The following GRID2 variants were observed in gnomAD, a reference collection of about 807,000 sequenced individuals.
The protein encoded by GRID2 is glutamate receptor ionotropic, delta-2.
In GRID2, 33 loss-of-function variants were observed where a neutral mutation model predicts 114.8. The observed-to-expected ratio is 0.29, with a 90% CI of 0.22 to 0.38. GRID2 has a LOEUF of 0.38. GRID2 is among the 10% of genes least tolerant of loss of function. GRID2 has a pLI of 1.00. For synonymous variants in GRID2, 505 were observed against 449.9 expected (o/e 1.12, Z -1.55); for missense variants, 1,184 against 1,257.7 (o/e 0.94, Z 0.89).
chr4:93,795,362 T>C (rs1734776658), intron 1 of GRID2, among the ~76,000 whole-genome samples: 1 of 151,880 alleles, frequency 6.6e-6, no homozygotes, highest in Non-Finnish European at 1.5e-5. Flanking sequence ...ATATGTTATA[T>C]ATTATTTTAA....
intron 1 of GRID2, among the ~76,000 whole-genome samples, chr4:92,505,934 G>C (rs533850534): frequency 6.6e-6 from 1 of 151,952 alleles, no homozygotes; most frequent in South Asian, 2.1e-4. Context: ...ATAGAAGCTG[G>C]CATTTATTAT....
intron 10 of GRID2, among the ~76,000 whole-genome samples, chr4:93,446,343 G>T (rs138765852): frequency 9.3e-4 from 141 of 152,072 alleles, no homozygotes; most frequent in African/African-American, 3.2e-3. Flanking sequence ...CAAAGTTAAA[G>T]GATAGGGAAA....
chr4:92,963,127 G>C (rs987483213), intron 2 of GRID2, among the ~76,000 whole-genome samples: 1 of 151,946 alleles, frequency 6.6e-6, no homozygotes, highest in African/African-American at 2.4e-5. Context: ...GGCCTTCAGC[G>C]TGTCATAATC....
At position 93,452,890 on chromosome 4, in the gene GRID2, C is replaced by CT. The variant is rs879554405; in HGVS notation, c.1546-2761dup. Among the ~76,000 whole-genome samples, 1,026 of 144,188 alleles carry CT rather than the reference C, an allele frequency of 7.1e-3. 5 individuals are homozygous for CT. The highest frequency in any genetic ancestry group is 0.021 in the African/African-American group (850 of 39,548). 94.6% of individuals were successfully genotyped at this position (144,188 alleles called of 152,430 possible). Reference sequence around the variant, plus strand: ...TCTTTCTGAATTAGTGGTCCTTGGCCTTTTTTTTTTTATTATACTTTAAGT... The same window carrying CT: ...TCTTTCTGAATTAGTGGTCCTTGGCCTTTTTTTTTTTTATTATACTTTAAGT... On this transcript the variant is annotated intron_variant, in intron 10 of 15. Coordinates refer to ENST00000282020, the MANE Select transcript of GRID2 (RefSeq NM_001510.4).
intron 4 of GRID2, among the ~76,000 whole-genome samples, chr4:93,119,827 G>T (rs1733615103): frequency 6.6e-6 from 1 of 152,152 alleles, no homozygotes; most frequent in Non-Finnish European, 1.5e-5. Context: ...GATACAGAAT[G>T]ACTCCCACTC....
intron 1 of GRID2, among the ~76,000 whole-genome samples, chr4:92,461,479 GA>G (rs1295760911): frequency 6.6e-6 from 1 of 151,896 alleles, no homozygotes; most frequent in East Asian, 1.9e-4. Context: ...TAAGAAACTT[GA>G]AATGACAAAC....
At chr4:93,194,745 A>G (rs1741315515) in intron 4 of GRID2, among the ~76,000 whole-genome samples, 1 of 152,190 alleles carries the variant, frequency 6.6e-6, no homozygotes, top group African/African-American at 2.4e-5. Flanking sequence ...GACTCTTCAT[A>G]AAACAGTGGA....
At chr4:93,213,366 T>A (rs1472947895) in intron 5 of GRID2, among the ~76,000 whole-genome samples, 2 of 152,140 alleles carry the variant, frequency 1.3e-5, no homozygotes, top group African/African-American at 4.8e-5. Context: ...CACCACATAG[T>A]AGAGGGCTTA....
chr4:92,955,820 C>G (rs936914814), intron 2 of GRID2, among the ~76,000 whole-genome samples: 1 of 152,110 alleles, frequency 6.6e-6, no homozygotes, highest in Admixed American at 6.6e-5. Context: ...GATCCAGTTT[C>G]AGCTTTCTAC....
intron 2 of GRID2, among the ~76,000 whole-genome samples, chr4:93,035,469 C>T (rs1452022805): frequency 6.6e-6 from 1 of 152,020 alleles, no homozygotes; most frequent in East Asian, 1.9e-4. Flanking sequence ...GAGTTACCCC[C>T]ACATTTAGTA....
At chr4:92,912,443 G>A (rs1202934286) in intron 2 of GRID2, among the ~76,000 whole-genome samples, 2 of 151,612 alleles carry the variant, frequency 1.3e-5, no homozygotes, top group Non-Finnish European at 3.0e-5. Context: ...ACGTCCTGAT[G>A]GTAATTGTTA....
chr4:92,931,509 C>T (rs1750233620), intron 2 of GRID2, among the ~76,000 whole-genome samples: 1 of 150,510 alleles, frequency 6.6e-6, no homozygotes, highest in Non-Finnish European at 1.5e-5. Context: ...AAATATGATA[C>T]ATAAATATTG....
intron 2 of GRID2, among the ~76,000 whole-genome samples, chr4:92,911,253 A>G (rs1199998277): frequency 6.6e-6 from 1 of 152,106 alleles, no homozygotes; most frequent in Admixed American, 6.6e-5. Context: ...TATTGTATTT[A>G]GTATTCATTT....
At chr4:92,764,271 A>G (rs1368022090) in intron 2 of GRID2, among the ~76,000 whole-genome samples, 5 of 152,216 alleles carry the variant, frequency 3.3e-5, no homozygotes, top group Non-Finnish European at 7.3e-5. Context: ...TCAAAAAGAA[A>G]AAAAAAGTCA....
intron 13 of GRID2, among the ~76,000 whole-genome samples, chr4:93,612,044 G>C (rs879389036): frequency 9.2e-5 from 14 of 151,956 alleles, no homozygotes; most frequent in Admixed American, 2.0e-4. Context: ...TCCTCTTGTT[G>C]AATTGATCCC....
chr4:93,524,781 A>ATGTG (rs869150662), intron 13 of GRID2, among the ~76,000 whole-genome samples: 175 of 88,856 alleles, frequency 2.0e-3, no homozygotes, highest in Non-Finnish European at 3.3e-3. Context: ...ATATGTATGT[A>ATGTG]TGTGTATATA....
rs565386491 is a variant in GRID2 at position 92,799,762 on chromosome 4, C to T, written c.244+209476C>T. Among the ~76,000 whole-genome samples, 161 of 151,958 alleles carry T rather than the reference C, an allele frequency of 1.1e-3. 1 individual carries two copies. Among genetic ancestry groups the T allele is most frequent in the Non-Finnish European group, 1.7e-3 (118 of 67,950 alleles). On this transcript the variant is annotated intron_variant, in intron 2 of 15. Transcript: ENST00000282020. ...CTAAAGTACTGGAGGTTAGGGCTTC[C>T]ACATGTGCATTTTAGGGGTTCACAA...
chr4:92,968,940 T>C (rs1378095341), intron 2 of GRID2, among the ~76,000 whole-genome samples: 1 of 151,838 alleles, frequency 6.6e-6, no homozygotes, highest in Admixed American at 6.6e-5. Flanking sequence ...TTGTTGTTTA[T>C]TGTTTGGCCA....
chr4:93,289,633 A>G (rs1753530980), intron 8 of GRID2, among the ~76,000 whole-genome samples: 1 of 152,236 alleles, frequency 6.6e-6, no homozygotes. Flanking sequence ...GGTTGTTTAT[A>G]TGCAAATATA....
Sources: allele counts gnomAD v4.1 joint callset (sites outside exome capture counted in the v4.1 genomes callset), GRCh38; gene constraint gnomAD v4.1.1; transcripts MANE v1.5; gene names NCBI Gene and HGNC (gene_info 2026-07-23, HGNC 2026-07-21).